The following ULK1 variants were observed in gnomAD, a reference collection of about 807,000 sequenced individuals.
ULK1 encodes serine/threonine-protein kinase ULK1.
In ULK1, 48 loss-of-function variants were observed where a neutral mutation model predicts 117.5. That is an observed-to-expected ratio of 0.41 (90% CI 0.32 to 0.52). The LOEUF is 0.52. Among genes scored for constraint, ULK1 ranks in the 20% least tolerant of loss-of-function variants. The probability of loss-of-function intolerance (pLI) is 0.29; values close to 1 mark genes in which losing one functional copy is unlikely to be tolerated. For missense variants in ULK1, 1,387 were observed against 1,473.4 expected, an observed-to-expected ratio of 0.94 and a Z score of 0.96; for synonymous variants, 790 against 637.8, an observed-to-expected ratio of 1.24 and a Z score of -3.60.
chr12:131,898,910 T>G (rs1284644624), intron 3 of ULK1, among the ~76,000 whole-genome samples: 6 of 148,934 alleles, frequency 4.0e-5, no homozygotes, highest in Non-Finnish European at 7.5e-5. Flanking sequence ...ATGGAGCTTC[T>G]CTTTGTCACC....
rs142265536 is a variant in ULK1 at position 131,916,003 on chromosome 12, C to T, written c.1722C>T (p.Pro574=). 145 of 1,612,400 alleles carry T rather than the reference C, an allele frequency of 9.0e-5. No homozygotes were observed. In the East Asian group the frequency reaches 2.9e-3, roughly 32 times the overall value. Residue 574 remains proline (P), a synonymous_variant, in exon 19 of 28, where the codon CCC becomes CCT. Coordinates refer to ENST00000321867, the MANE Select transcript of ULK1 (RefSeq NM_003565.4). ...TCCGCCCCAAGCTGCCCAAACCCCC[C>T]ACGGACCCCCTGGGAGCTGTGTTCA... is the stretch of plus-strand genomic sequence containing the variant. The part of the protein sequence containing the change: ...HVVRPKLPKP[P]TDPLGAVFSP...
At chr12:131,907,670 C>T (rs993669891) in intron 5 of ULK1, 139 bp downstream of exon 5, 1 of 1,120,602 alleles carries the variant, frequency 8.9e-7, no homozygotes, top group Non-Finnish European at 1.2e-6. Flanking sequence ...TTCTTGTCCC[C>T]CTGGGCCTCT....
chr12:131,903,789 G>A lies in ULK1; in HGVS notation c.247-3103G>A, dbSNP rs932896908. 6.6e-6 allele frequency among the ~76,000 whole-genome samples: 1 copy of A among 152,142 alleles called. No individual in the cohort carries two copies. Among genetic ancestry groups the A allele is most frequent in the Non-Finnish European group, 1.5e-5 (1 of 68,004 alleles). ...GAAGTGCAGGGAAGAGGCTGGAGGT[G>A]CTTCGGTCCCACAGCCCCCTGCCCA... On this transcript the variant is annotated intron_variant, in intron 3 of 27. Transcript: ENST00000321867. This position sits in a 1 kb window ranked among gnomAD's most constrained non-coding sequence, Gnocchi z 6.0.
rs141556486 is a variant in ULK1 at position 131,920,071 on chromosome 12, C to A, written c.2896C>A (p.Arg966=). 2.1e-3 allele frequency: 3,385 copies of A among 1,612,802 alleles called. 19 individuals carry two copies. Among genetic ancestry groups the A allele is most frequent in the South Asian group, 3.7e-3 (336 of 91,080 alleles). Residue 966 remains arginine (R), a synonymous_variant, in exon 26 of 28, where the codon CGG becomes AGG. Coordinates refer to ENST00000321867, the MANE Select transcript of ULK1 (RefSeq NM_003565.4). ...RLQRFFLDKQ[R]LLDRIHSITA... ...GCAGCGCTTCTTCCTGGACAAGCAG[C>A]GGCTCCTGGACCGCATTCACAGCAT... is the stretch of plus-strand genomic sequence containing the variant.
At position 131,913,196 on chromosome 12, in the gene ULK1, A is replaced by G; in HGVS notation, c.1097-2A>G. On this transcript the variant is annotated splice_acceptor_variant, in intron 13 of 27. Transcript: ENST00000321867. LOFTEE classifies it high-confidence loss of function. Reference sequence around the variant, plus strand: ...CAGGCCCAGCCTTGTCTCCCCCTGCAGGTGACCTGGTGGCTGAGGCGCCCA... The same window carrying G: ...CAGGCCCAGCCTTGTCTCCCCCTGCGGGTGACCTGGTGGCTGAGGCGCCCA... 1 of 1,581,088 alleles carries G rather than the reference A, an allele frequency of 6.3e-7. No homozygotes were observed. The highest frequency in any genetic ancestry group is 2.4e-5 in the East Asian group (1 of 41,400).
chr12:131,917,125 C>G, intron 21 of ULK1, 63 bp downstream of exon 21: 5 of 780,086 alleles, frequency 6.4e-6, no homozygotes, highest in Non-Finnish European at 8.2e-6. Context: ...GGATGGGGGT[C>G]GGAGGCTGTG....
intron 5 of ULK1, 119 bp downstream of exon 5, chr12:131,907,650 G>A: frequency 1.6e-6 from 2 of 1,282,432 alleles, no homozygotes; most frequent in Middle Eastern, 2.7e-4. Context: ...CTCATTGTGA[G>A]ATTGGCTCTT....
rs1318134341 is a variant in ULK1 at position 131,903,769 on chromosome 12, G to A, written c.247-3123G>A. Among the ~76,000 whole-genome samples, 1 of 152,166 alleles carries A rather than the reference G, an allele frequency of 6.6e-6. No homozygotes were observed. Among genetic ancestry groups the A allele is most frequent in the Non-Finnish European group, 1.5e-5 (1 of 68,016 alleles). On this transcript the variant is annotated intron_variant, in intron 3 of 27. Coordinates refer to ENST00000321867, the MANE Select transcript of ULK1 (RefSeq NM_003565.4). The surrounding 1 kb of genome is among the most constrained non-coding windows in gnomAD (Gnocchi z 6.0). ...GTTTCTGCAAGGGACCATTTGAAGT[G>A]CAGGGAAGAGGCTGGAGGTGCTTCG...
chr12:131,904,873 C>T (rs968342531), intron 3 of ULK1, among the ~76,000 whole-genome samples: 1 of 152,080 alleles, frequency 6.6e-6, no homozygotes, highest in African/African-American at 2.4e-5. Flanking sequence ...CTGAGTCTAG[C>T]TTCATCTCCC....
rs755314212 is a variant in ULK1 at position 131,910,829 on chromosome 12, C to T, written c.948+29C>T. ...AGTTGCCGCCCCAGGGGCTTGGCAGCTTCTCCCTCCACTCAGCAGTCAGGG... is the reference window on the plus strand; with the variant it reads ...AGTTGCCGCCCCAGGGGCTTGGCAGTTTCTCCCTCCACTCAGCAGTCAGGG... On this transcript the variant is annotated intron_variant, in intron 12 of 27. Transcript: ENST00000321867. 2.5e-6 allele frequency: 4 copies of T among 1,611,022 alleles called. No homozygotes were observed. In the South Asian group the frequency reaches 3.3e-5, roughly 13 times the overall value.
rs1889153383 is a variant in ULK1 at position 131,903,227 on chromosome 12, C to T, written c.247-3665C>T. Among the ~76,000 whole-genome samples, 1 of 152,178 alleles carries T rather than the reference C, an allele frequency of 6.6e-6. No homozygotes were observed. The highest frequency in any genetic ancestry group is 2.1e-4 in the South Asian group (1 of 4,836). On this transcript the variant is annotated intron_variant, in intron 3 of 27. Coordinates refer to ENST00000321867, the MANE Select transcript of ULK1 (RefSeq NM_003565.4). The surrounding 1 kb of genome is among the most constrained non-coding windows in gnomAD (Gnocchi z 6.0). ...TCCCCCAGCCCTGGCAGAGGTGGTC[C>T]TGGGCTTGTTTGTCCTCACTTCTCA...
In ULK1 at chr12:131,906,915, G is replaced by A. The variant is rs372914787; in HGVS notation, c.270G>A (p.Leu90=). 7 of 1,613,988 alleles carry A rather than the reference G, an allele frequency of 4.3e-6. No individual in the cohort carries two copies. The African/African-American group carries it at 6.7e-5, about 15-fold the overall frequency. Residue 90 remains leucine (L), a synonymous_variant, in exon 4 of 28, where the codon CTG becomes CTA. Transcript: ENST00000321867. ...AGGAAATGGCTAATTCTGTCTACCT[G>A]GTTATGGAGGTGAGTGCCTTGTGGT... ...DFQEMANSVY[L]VMEYCNGGDL...
chr12:131,920,305 G>T, intron 26 of ULK1, 169 bp downstream of exon 26: 1 of 877,632 alleles, frequency 1.1e-6, no homozygotes, highest in Non-Finnish European at 1.7e-6. Flanking sequence ...GCAGGCGCTC[G>T]CAGCTCGGCT....
intron 3 of ULK1, among the ~76,000 whole-genome samples, chr12:131,896,089 G>A (rs1888855465): frequency 6.6e-6 from 1 of 152,212 alleles, no homozygotes; most frequent in Non-Finnish European, 1.5e-5. Flanking sequence ...CCTCCCCGCC[G>A]GGCGTCAGTC....
chr12:131,899,370 T>C (rs1826660692), intron 3 of ULK1, among the ~76,000 whole-genome samples: 1 of 152,080 alleles, frequency 6.6e-6, no homozygotes, highest in African/African-American at 2.4e-5. Context: ...GTACTTTTAG[T>C]AGAGACAAGG....
intron 26 of ULK1, chr12:131,920,767 C>A: frequency 3.0e-6 from 1 of 334,990 alleles, no homozygotes. Flanking sequence ...CCAGTCTGAA[C>A]AAACATGGGA....
At chr12:131,916,910 G>T in intron 20 of ULK1, 43 bp from the exon 21 acceptor site, 2 of 1,548,638 alleles carry the variant, frequency 1.3e-6, no homozygotes, top group East Asian at 2.3e-5. Context: ...CAGTTAGGGT[G>T]GGGTGGGCCG....
chr12:131,918,906 T>TGGGGTGTGTGGGGTGC (rs1890009884), intron 23 of ULK1, among the ~76,000 whole-genome samples: 2 of 34,776 alleles, frequency 5.8e-5, no homozygotes, highest in Non-Finnish European at 2.1e-4. Flanking sequence ...GTGTGGGGTG[T>TGGGGTGTGTGGGGTGC]AGGGTGTGTG....
intron 23 of ULK1, 38 bp from the exon 24 acceptor site, chr12:131,919,174 C>G (rs754593211): frequency 1.3e-6 from 2 of 1,561,686 alleles, no homozygotes; most frequent in Non-Finnish European, 8.6e-7. Context: ...CTTCCAAGCC[C>G]GGGCAGCACT....
Sources: gnomAD v4.1 joint callset for allele counts (sites outside exome capture counted in the v4.1 genomes callset) on GRCh38, gnomAD v4.1.1 for gene constraint, Gnocchi (gnomAD v3.1) non-coding constraint, MANE v1.5 for transcripts, NCBI Gene and HGNC (gene_info 2026-07-23, HGNC 2026-07-21) for gene names.